Variants in ENOSF1 observed in about 807,000 individuals in gnomAD.
ENOSF1 encodes enolase superfamily member 1, also known as mitochondrial enolase superfamily member 1.
In ENOSF1, 73 loss-of-function variants were observed where a neutral mutation model predicts 68.2. The observed-to-expected ratio is 1.07, with a 90% CI of 0.89 to 1.30. The LOEUF (loss-of-function observed/expected upper bound fraction) is 1.30. ENOSF1 is among the 50% of genes most tolerant of loss of function. The probability of loss-of-function intolerance (pLI) is 0.00; values close to 1 mark genes in which losing one functional copy is unlikely to be tolerated. For missense variants in ENOSF1, 589 were observed against 554.5 expected, an observed-to-expected ratio of 1.06 and a Z score of -0.62; for synonymous variants, 223 against 210.4, an observed-to-expected ratio of 1.06 and a Z score of -0.52.
intron 2 of ENOSF1, among the ~76,000 whole-genome samples, chr18:704,440 GAAAA>G (rs11429267): frequency 3.3e-4 from 32 of 97,242 alleles, no homozygotes; most frequent in Admixed American, 9.1e-4. Flanking sequence ...AAAAAGAAAA[GAAAA>G]AAAAAAAAAA....
intron 4 of ENOSF1, 139 bp downstream of exon 4, chr18:694,109 C>A: frequency 9.2e-7 from 1 of 1,090,298 alleles, no homozygotes. Context: ...CAAAACCTCT[C>A]AGAGGAGAAA....
Position 697,184 on chromosome 18 carries a change from A to G in ENOSF1, c.309+56T>C, listed in dbSNP as rs1213539161. 3 of 1,154,770 alleles carry G rather than the reference A, an allele frequency of 2.6e-6. No homozygotes were observed. The African/African-American group carries it at 4.5e-5, about 17-fold the overall frequency. 71.5% of individuals were successfully genotyped at this position (1,154,770 alleles called of 1,614,324 possible). On this transcript the variant is annotated intron_variant, in intron 3 of 15. Coordinates refer to ENST00000647584, the MANE Select transcript of ENOSF1 (RefSeq NM_017512.7). ...TTCACATTCGTTGCACTCAAAGGAC[A>G]TCTCAGACCTTGGTAATATTACTTA...
chr18:679,354 T>A (rs1196659936), intron 11 of ENOSF1, among the ~76,000 whole-genome samples: 2 of 150,872 alleles, frequency 1.3e-5, no homozygotes, highest in Admixed American at 1.3e-4. Flanking sequence ...GGATTAGAGG[T>A]GCACGCCACC....
chr18:694,974 C>T (rs1019306106), intron 3 of ENOSF1, among the ~76,000 whole-genome samples: 40 of 152,118 alleles, frequency 2.6e-4, no homozygotes, highest in African/African-American at 9.4e-4. Context: ...TATTTTCTTA[C>T]ATAACCGTAG....
At chr18:696,502 C>T (rs2741177) in intron 3 of ENOSF1, among the ~76,000 whole-genome samples, 50,638 of 151,594 alleles carry the variant, frequency 0.33, 8,687 homozygotes, top group Admixed American at 0.37. Context: ...TGAGCCACCG[C>T]GCCCGGCCTG....
Position 697,345 on chromosome 18 carries a change from AG to A in ENOSF1, c.203del (p.Ala68ValfsTer2). 1.2e-6 allele frequency: 2 copies of A among 1,611,996 alleles called. No individual in the cohort carries two copies. The highest frequency in any genetic ancestry group is 1.7e-6 in the Non-Finnish European group (2 of 1,179,132). The part of the protein sequence containing the change: ...LGKGTEVVVC[A>X]VNALAHHVLN... ...GCACATGGTGGGCGAGGGCATTCAC[AG>A]CACAGACAACTATTTAAAAAGGATT... is the stretch of plus-strand genomic sequence containing the variant. On this transcript the variant is annotated frameshift_variant, in exon 3 of 16. Transcript: ENST00000647584. LOFTEE classifies it high-confidence loss of function.
intron 9 of ENOSF1, chr18:687,958 G>A (rs977007957): frequency 3.9e-5 from 6 of 152,534 alleles, no homozygotes; most frequent in African/African-American, 1.4e-4. Context: ...CCTGAGGTCA[G>A]GAGTTCAGGA....
At chr18:706,367 C>A in intron 2 of ENOSF1, 103 bp downstream of exon 2, 2 of 809,754 alleles carry the variant, frequency 2.5e-6, no homozygotes, top group Non-Finnish European at 4.2e-6. Context: ...AAAACAAGAT[C>A]AGAACTCAAT....
chr18:691,593 C>T (rs2145043701), intron 5 of ENOSF1: 3 of 241,250 alleles, frequency 1.2e-5, no homozygotes, highest in Middle Eastern at 1.4e-3. Context: ...GCAATCCTCC[C>T]TCCTTGGCCT....
At chr18:700,226 T>C (rs745743915) in intron 2 of ENOSF1, among the ~76,000 whole-genome samples, 1 of 152,198 alleles carries the variant, frequency 6.6e-6, no homozygotes, top group Non-Finnish European at 1.5e-5. Context: ...CTTTTGTTAA[T>C]GGGATACACA....
At chr18:668,461 A>C (rs1054415474), downstream of ENOSF1, among the ~76,000 whole-genome samples, 2 of 152,212 alleles carry the variant, frequency 1.3e-5, no homozygotes, top group African/African-American at 4.8e-5. Context: ...ATGGGAGCAA[A>C]GTACAAGGTG....
At chr18:678,779 T>C (rs1236541330) in intron 11 of ENOSF1, 42 bp from the exon 12 acceptor site, 8 of 1,600,098 alleles carry the variant, frequency 5.0e-6, no homozygotes, top group Non-Finnish European at 6.0e-6. Context: ...TCCTAAGTTT[T>C]GAACTGCAAC....
At chr18:687,593 C>G (rs925074572) in intron 9 of ENOSF1, 1 of 152,338 alleles carries the variant, frequency 6.6e-6, no homozygotes, top group Admixed American at 6.5e-5. Flanking sequence ...GAGGGACACA[C>G]AGTGACTGGG....
intron 11 of ENOSF1, among the ~76,000 whole-genome samples, chr18:680,683 T>G (rs934440199): frequency 1.4e-5 from 2 of 146,832 alleles, no homozygotes; most frequent in Non-Finnish European, 3.0e-5. Context: ...TGTGTTTTTT[T>G]TTTTTTTTTT....
At chr18:677,699 T>C in intron 13 of ENOSF1, 44 bp downstream of exon 13, 2 of 1,588,068 alleles carry the variant, frequency 1.3e-6, no homozygotes, top group Non-Finnish European at 8.6e-7. Context: ...GTCTGATTAG[T>C]GGGGAAATGA....
intron 1 of ENOSF1, among the ~76,000 whole-genome samples, chr18:708,763 G>T (rs1196398793): frequency 6.6e-6 from 1 of 152,148 alleles, no homozygotes; most frequent in Non-Finnish European, 1.5e-5. Flanking sequence ...GGTAGCAGCA[G>T]CAGCAGTGCA....
downstream of ENOSF1, chr18:669,366 ATTTTTTTT>A (rs68090938): frequency 1.0e-3 from 195 of 192,222 alleles, no homozygotes; most frequent in East Asian, 0.01. Flanking sequence ...GGCCCAGAGG[ATTTTTTTT>A]TTTTTTTTTT....
Position 691,235 on chromosome 18 carries a change from G to T in ENOSF1, c.465C>A (p.Ile155=), listed in dbSNP as rs1315764034. The change falls in exon 6 of 16, where the codon ATC becomes ATA. Residue 155 remains isoleucine (I), a synonymous_variant. Coordinates refer to ENST00000647584, the MANE Select transcript of ENOSF1 (RefSeq NM_017512.7). Reference sequence around the variant, plus strand: ...CATCCTCCTCAGTCAGGACATCAGTGATGTACCTGAAATCTATGCAGGATA... The same window carrying T: ...CATCCTCCTCAGTCAGGACATCAGTTATGTACCTGAAATCTATGCAGGATA... ...MLVSCIDFRY[I]TDVLTEEDAL... 4.3e-6 allele frequency: 7 copies of T among 1,614,072 alleles called. No individual in the cohort carries two copies. Among genetic ancestry groups the T allele is most frequent in the African/African-American group, 1.3e-5 (1 of 74,928 alleles).
chr18:667,304 T>A (rs866275684), downstream of ENOSF1, among the ~76,000 whole-genome samples: 3 of 27,462 alleles, frequency 1.1e-4, no homozygotes, highest in Admixed American at 6.4e-4. Context: ...ATGGTGATGG[T>A]GATGGTGATG....
Sources: allele counts gnomAD v4.1 joint callset (sites outside exome capture counted in the v4.1 genomes callset), GRCh38; gene constraint gnomAD v4.1.1; transcripts MANE v1.5; gene names NCBI Gene and HGNC (gene_info 2026-07-23, HGNC 2026-07-21).